Variants in SLC25A48 observed in about 807,000 individuals in gnomAD.
SLC25A48 encodes CTC-321K16.1.
In SLC25A48, 29 loss-of-function variants were observed where a neutral mutation model predicts 32.2. The observed-to-expected ratio is 0.90, with a 90% CI of 0.67 to 1.23. The LOEUF is 1.23. Ranked by LOEUF, SLC25A48 falls within the 50% of genes most tolerant of loss-of-function variation. The pLI, the probability that SLC25A48 is intolerant of heterozygous loss-of-function variation, is 0.00. For synonymous variants in SLC25A48, 164 were observed against 172.3 expected, an observed-to-expected ratio of 0.95 and a Z score of 0.38; for missense variants, 399 against 422.7, an observed-to-expected ratio of 0.94 and a Z score of 0.49.
At chr5:135,870,518 A>G (rs760821408) in intron 4 of SLC25A48, among the ~76,000 whole-genome samples, 1 of 152,202 alleles carries the variant, frequency 6.6e-6, no homozygotes, top group African/African-American at 2.4e-5. Flanking sequence ...AGCTGCCAGC[A>G]TAGACTACTG....
At chr5:135,761,836 C>T (rs188183351) in intron 3 of SLC25A48, among the ~76,000 whole-genome samples, 6 of 152,156 alleles carry the variant, frequency 3.9e-5, no homozygotes, top group East Asian at 1.9e-4. Flanking sequence ...CCAGATCCTG[C>T]GCCCCCCACT....
chr5:135,580,410 C>T (rs1489508061), intron 1 of SLC25A48, among the ~76,000 whole-genome samples: 2 of 152,168 alleles, frequency 1.3e-5, no homozygotes, highest in Non-Finnish European at 2.9e-5. Flanking sequence ...ATCAGCCTGG[C>T]AGTTCCCTGG....
intron 3 of SLC25A48, among the ~76,000 whole-genome samples, chr5:135,803,690 T>C (rs1757390727): frequency 6.6e-6 from 1 of 151,506 alleles, no homozygotes; most frequent in Non-Finnish European, 1.5e-5. Context: ...ATATTAAGTG[T>C]AATATCTCCC....
intron 3 of SLC25A48, among the ~76,000 whole-genome samples, chr5:135,791,116 G>A (rs1580884024): frequency 1.3e-5 from 2 of 151,764 alleles, no homozygotes; most frequent in African/African-American, 4.8e-5. Context: ...CAGCCTGTGT[G>A]TACAACCTGT....
intron 3 of SLC25A48, chr5:135,653,896 G>A (rs1371711564): frequency 4.4e-6 from 2 of 456,168 alleles, no homozygotes; most frequent in Non-Finnish European, 8.8e-6. Flanking sequence ...CACAGGGCAA[G>A]CATATACTCA....
At position 135,871,870 on chromosome 5, in the gene SLC25A48, C is replaced by T. The variant is rs373574923; in HGVS notation, c.679+152C>T. ...CTTTGTTAGGTACCTACTCTGTCCC[C>T]GGCCCTCTCCCACCTCAGTCTCATC... On this transcript the variant is annotated intron_variant, in intron 5 of 7. Transcript: ENST00000681962. The T allele has an allele frequency of 3.5e-5, 53 of 1,509,614 alleles. No individual in the cohort carries two copies. In the African/African-American group the frequency reaches 3.6e-4, roughly 10 times the overall value. The allele number at this position is 1,509,614 out of a possible 1,614,324, so 93.5% of individuals were successfully genotyped here. A position where few individuals can be genotyped will look rare whatever the true frequency, so the allele number is the denominator to read the frequency against.
intron 3 of SLC25A48, among the ~76,000 whole-genome samples, chr5:135,639,897 C>A (rs759735131): frequency 5.9e-5 from 9 of 152,182 alleles, no homozygotes; most frequent in Middle Eastern, 3.4e-3. Flanking sequence ...AGGAATACAA[C>A]AAAAATTACT....
intron 2 of SLC25A48, among the ~76,000 whole-genome samples, chr5:135,850,021 G>A (rs1012122061): frequency 6.6e-6 from 1 of 152,218 alleles, no homozygotes; most frequent in Admixed American, 6.5e-5. Flanking sequence ...CATGTTTCTG[G>A]TGAGGATGAG....
chr5:135,758,867 AT>A (rs1395786864), intron 3 of SLC25A48, among the ~76,000 whole-genome samples: 1 of 150,696 alleles, frequency 6.6e-6, no homozygotes, highest in Non-Finnish European at 1.5e-5. Flanking sequence ...AATATCAAAC[AT>A]TAACACATTA....
At chr5:135,858,509 A>G (rs1581008186) in intron 4 of SLC25A48, among the ~76,000 whole-genome samples, 1 of 152,336 alleles carries the variant, frequency 6.6e-6, no homozygotes, top group Admixed American at 6.5e-5. Flanking sequence ...GCCAAACACA[A>G]TGCTAGGAGC....
chr5:135,793,756 C>A (rs1757093606), intron 3 of SLC25A48, among the ~76,000 whole-genome samples: 1 of 151,746 alleles, frequency 6.6e-6, no homozygotes, highest in African/African-American at 2.4e-5. Flanking sequence ...TTTGTACACC[C>A]TGGAATATTA....
At chr5:135,880,320 C>CTTGGG (rs1762374045) in intron 7 of SLC25A48, among the ~76,000 whole-genome samples, 1 of 152,106 alleles carries the variant, frequency 6.6e-6, no homozygotes, top group Non-Finnish European at 1.5e-5. Context: ...AAGTCTGGCA[C>CTTGGG]AGAATATACC....
intron 6 of SLC25A48, 95 bp from the exon 7 acceptor site, chr5:135,879,873 G>T (rs1762334275): frequency 1.2e-5 from 18 of 1,476,498 alleles, no homozygotes; most frequent in Non-Finnish European, 1.5e-5. Flanking sequence ...ACCGGGCCTG[G>T]GTAGGCAGCA....
intron 4 of SLC25A48, among the ~76,000 whole-genome samples, chr5:135,855,478 C>A (rs1760237092): frequency 1.3e-5 from 2 of 152,162 alleles, no homozygotes; most frequent in Non-Finnish European, 2.9e-5. Flanking sequence ...CTCCATTTTA[C>A]AGATGAGAAA....
chr5:135,814,561 G>A (rs1162144237), intron 4 of SLC25A48, among the ~76,000 whole-genome samples: 1 of 152,140 alleles, frequency 6.6e-6, no homozygotes, highest in Non-Finnish European at 1.5e-5. Context: ...CTTCTAGATG[G>A]TGCAGTCTGT....
At chr5:135,845,476 A>C (rs146741056) in intron 2 of SLC25A48, among the ~76,000 whole-genome samples, 105 of 152,122 alleles carry the variant, frequency 6.9e-4, no homozygotes, top group African/African-American at 2.5e-3. Flanking sequence ...ACTCCAGCAC[A>C]CCTTCTTTCC....
chr5:135,706,973 C>T (rs1754527016), intron 3 of SLC25A48, among the ~76,000 whole-genome samples: 2 of 152,168 alleles, frequency 1.3e-5, no homozygotes, highest in African/African-American at 2.4e-5. Context: ...GAGGAAAGCA[C>T]AAAGAAGACA....
chr5:135,590,804 G>A (rs1193405297), intron 1 of SLC25A48, among the ~76,000 whole-genome samples: 1 of 152,232 alleles, frequency 6.6e-6, no homozygotes, highest in Non-Finnish European at 1.5e-5. Flanking sequence ...TGGCTCTCAG[G>A]CAGGGCAGCC....
chr5:135,633,301 CT>C (rs1400414337), intron 2 of SLC25A48, among the ~76,000 whole-genome samples: 2 of 137,012 alleles, frequency 1.5e-5, no homozygotes, highest in Non-Finnish European at 3.2e-5. Flanking sequence ...TTGTGTCCCC[CT>C]GCCCCACTCA....
Sources: allele counts gnomAD v4.1 joint callset (sites outside exome capture counted in the v4.1 genomes callset), GRCh38; gene constraint gnomAD v4.1.1; transcripts MANE v1.5; gene names NCBI Gene and HGNC (gene_info 2026-07-23, HGNC 2026-07-21).